NEB: variants seen among roughly 807,000 people sequenced by gnomAD.
The protein encoded by NEB is nebulin, also known as nemaline myopathy type 2.
Under a neutral mutation model 952.2 loss-of-function variants are expected in NEB, and 512 were observed. The ratio of observed to expected loss-of-function variants is 0.54; its 90% CI spans 0.50 to 0.58. The LOEUF (loss-of-function observed/expected upper bound fraction) is 0.58, where lower values mean the gene tolerates loss of function less well. Ranked by LOEUF, NEB falls within the 20% of genes least tolerant of loss-of-function variation. The probability of loss-of-function intolerance (pLI) is 0.00; values close to 1 mark genes in which losing one functional copy is unlikely to be tolerated. For synonymous variants in NEB, 2,900 were observed against 3,149.8 expected, an observed-to-expected ratio of 0.92 and a Z score of 2.66; for missense variants, 8,428 against 9,231.1, an observed-to-expected ratio of 0.91 and a Z score of 3.56.
At chr2:151,725,988 C>T (rs1168739434) in intron 5 of NEB, among the ~76,000 whole-genome samples, 3 of 152,180 alleles carry the variant, frequency 2.0e-5, no homozygotes, top group Non-Finnish European at 4.4e-5. Context: ...ATAGCTGAGA[C>T]ACCAGCTGAA....
At position 151,643,707 on chromosome 2, in the gene NEB, G is replaced by A. The variant is rs143208740; in HGVS notation, c.7956+111C>T. 5.3e-4 allele frequency: 782 copies of A among 1,481,402 alleles called. 8 individuals carry two copies. In the African/African-American group the frequency reaches 9.4e-3, roughly 18 times the overall value. 91.8% of individuals were successfully genotyped at this position (1,481,402 alleles called of 1,614,324 possible). On this transcript the variant is annotated intron_variant, in intron 57 of 181. Transcript: ENST00000397345. The stretch of plus-strand genomic sequence containing the variant: ...GATGTCTGGGTGACTAGATGCGCTT[G>A]GGCATTAGTCCAGGGTAATTGTGTA...
intron 105 of NEB, among the ~76,000 whole-genome samples, chr2:151,579,080 C>CAAA (rs1159995102): frequency 3.8e-4 from 12 of 31,708 alleles, no homozygotes; most frequent in African/African-American, 1.3e-3. Flanking sequence ...GACTCCATCT[C>CAAA]AAAAAAAAAA....
At position 151,577,470 on chromosome 2, in the gene NEB, C is replaced by T. The variant is rs1238177500; in HGVS notation, c.16705-1116G>A. Reference sequence around the variant, plus strand: ...CAGTGCCTTCTCAGAAGAACTTTCTCGATCTCTCTTCATAGCACCATGGAT... The same window carrying T: ...CAGTGCCTTCTCAGAAGAACTTTCTTGATCTCTCTTCATAGCACCATGGAT... On this transcript the variant is annotated intron_variant, in intron 105 of 181. Transcript: ENST00000397345. 3.3e-5 allele frequency among the ~76,000 whole-genome samples: 5 copies of T among 152,282 alleles called. No individual in the cohort carries two copies. In the East Asian group the frequency reaches 9.6e-4, roughly 29 times the overall value.
intron 68 of NEB, among the ~76,000 whole-genome samples, chr2:151,628,953 C>G (rs1333861266): frequency 6.6e-6 from 1 of 151,954 alleles, no homozygotes; most frequent in Non-Finnish European, 1.5e-5. Flanking sequence ...ACCAAAGAAC[C>G]CACCTCTTTC....
rs752174970 is a variant in NEB, at chr2:151,669,072, C to A, written c.4566G>T (p.Leu1522Phe). 1.3e-6 allele frequency: 2 copies of A among 1,596,888 alleles called. No individual in the cohort carries two copies. The highest frequency in any genetic ancestry group is 3.5e-5 in the Admixed American group (2 of 57,830). ...LKHKYTIDPELPQFIQAKVNA... is the reference protein window; with the variant it reads ...LKHKYTIDPEFPQFIQAKVNA... Reference sequence around the variant, plus strand: ...TGACTTTGGCTTGAATAAACTGAGGCAATTCAGGGTCAATAGTATACTTGT... The same window carrying A: ...TGACTTTGGCTTGAATAAACTGAGGAAATTCAGGGTCAATAGTATACTTGT... The change falls in exon 39 of 182, where the codon TTG (leucine) becomes TTT (phenylalanine). Residue 1522 changes from leucine to phenylalanine, a missense_variant. Physicochemically the swap from Leu to Phe is conservative, Grantham distance 22. Transcript: ENST00000397345.
chr2:151,498,721 T>G (rs1232350838), intron 169 of NEB, among the ~76,000 whole-genome samples: 1 of 152,142 alleles, frequency 6.6e-6, no homozygotes, highest in Non-Finnish European at 1.5e-5. Context: ...AAAATGCTGT[T>G]AATCACATAG....
At position 151,546,454 on chromosome 2, in the gene NEB, AAC is replaced by A. The variant is rs1215554290; in HGVS notation, c.20368-13_20368-12del. 2.5e-6 allele frequency: 4 copies of A among 1,572,746 alleles called. No individual in the cohort carries two copies. Among genetic ancestry groups the A allele is most frequent in the African/African-American group, 1.4e-5 (1 of 74,034 alleles). ...CTCTTTGTATTTAATCTGAGAGGCA[AAC>A]ACAGAAATATAGCTGGTCATAAGCA... is the stretch of plus-strand genomic sequence containing the variant. On this transcript the variant is annotated splice_polypyrimidine_tract_variant and intron_variant, in intron 133 of 181. Coordinates refer to ENST00000397345, the MANE Select transcript of NEB (RefSeq NM_001164508.2).
intron 63 of NEB, among the ~76,000 whole-genome samples, chr2:151,637,404 A>T (rs899172417): frequency 6.6e-6 from 1 of 152,218 alleles, no homozygotes; most frequent in African/African-American, 2.4e-5. Flanking sequence ...AGTTCACAGG[A>T]GAGGGCTGAG....
intron 13 of NEB, 22 bp from the exon 14 acceptor site, chr2:151,697,670 G>A: frequency 6.6e-7 from 1 of 1,523,362 alleles, no homozygotes; most frequent in Non-Finnish European, 9.0e-7. Context: ...AAAAAATTCA[G>A]TTAAAGTAGA....
intron 142 of NEB, chr2:151,534,115 A>G: frequency 1.1e-6 from 1 of 874,748 alleles, no homozygotes; most frequent in Non-Finnish European, 1.8e-6. Context: ...CCAATATCAT[A>G]GGCAGAACCT....
At chr2:151,664,707 A>G in intron 43 of NEB, 52 bp downstream of exon 43, 1 of 1,534,330 alleles carries the variant, frequency 6.5e-7, no homozygotes, top group Non-Finnish European at 8.9e-7. Flanking sequence ...AGACATAAGT[A>G]TCAGTTCCCT....
rs1558880548 is a variant in NEB at position 151,655,833 on chromosome 2, G to A, written c.6686C>T (p.Ala2229Val). Residue 2229 changes from alanine to valine, a missense_variant, in exon 50 of 182, where the codon GCA (alanine) becomes GTA (valine). By Grantham distance (64) the Ala-to-Val change is moderately conservative. Around this residue, in one of 11 missense-constraint regions of NEB, gnomAD observed 2,851 missense variants for 2,791.5 expected, o/e 1.02. Transcript: ENST00000397345. Reference sequence around the variant, plus strand: ...TCTCTGTACCTTGTTCATGGTATGTGCATTCTGCTTGGCAAGCACCATGTC... The same window carrying A: ...TCTCTGTACCTTGTTCATGGTATGTACATTCTGCTTGGCAAGCACCATGTC... ...SMDMVLAKQN[A>V]HTMNKHLYTI... 5 of 1,613,518 alleles carry A rather than the reference G, an allele frequency of 3.1e-6. No homozygotes were observed. Among genetic ancestry groups the A allele is most frequent in the African/African-American group, 1.3e-5 (1 of 74,952 alleles).
rs2092295614 is a variant in NEB, at chr2:151,533,451, C to T, written c.21408G>A (p.Met7136Ile). Residue 7136 changes from methionine (M) to isoleucine (I), a missense_variant, in exon 143 of 182, where the codon ATG (methionine) becomes ATA (isoleucine). Transcript: ENST00000397345. ...TCCCATCAGACATTACCTGGCTCCACATATGCGAATTGTAGAGAGCAGTCA... is the reference window on the plus strand; with the variant it reads ...TCCCATCAGACATTACCTGGCTCCATATATGCGAATTGTAGAGAGCAGTCA... ...DMLTALYNSH[M>I]WSQIKYRKNY... The T allele has an allele frequency of 6.5e-7, 1 of 1,549,730 alleles. No homozygotes were observed.
rs1437705900 is a variant in NEB at position 151,576,313 on chromosome 2, G to A, written c.16746C>T (p.Gly5582=). The A allele has an allele frequency of 1.2e-6, 2 of 1,609,534 alleles. No individual in the cohort carries two copies. Among genetic ancestry groups the A allele is most frequent in the Admixed American group, 1.7e-5 (1 of 59,848 alleles). The change falls in exon 106 of 182, where the codon GGC becomes GGT. Residue 5582 remains glycine (G), a synonymous_variant. Transcript: ENST00000397345. ...CTTCAGGAGACCCTTGGGGCATCCA[G>A]CCAATGCCACGCAACCACTCCAAGT... is the stretch of plus-strand genomic sequence containing the variant. ...KADLEWLRGI[G]WMPQGSPEVL...
At chr2:151,565,850 G>A (rs1380521130) in intron 114 of NEB, 30 bp from the exon 115 acceptor site, 1 of 1,486,310 alleles carries the variant, frequency 6.7e-7, no homozygotes, top group Non-Finnish European at 9.3e-7. Context: ...TATAATGGAG[G>A]AATAAATGAC....
chr2:151,555,170 T>G (rs1287546492), intron 124 of NEB, 126 bp from the exon 125 acceptor site: 2 of 653,924 alleles, frequency 3.1e-6, no homozygotes, highest in African/African-American at 3.6e-5. Flanking sequence ...GGACAACACT[T>G]CTCTGAACTC....
intron 132 of NEB, 49 bp from the exon 133 acceptor site, chr2:151,547,582 T>C (rs781449019): frequency 1.8e-5 from 29 of 1,602,042 alleles, no homozygotes; most frequent in Middle Eastern, 1.7e-4. Context: ...GACCGAATGA[T>C]TAACATTCAT....
rs538552221 is a variant in NEB, at chr2:151,640,725, T to C, written c.8374-59A>G. 3 of 1,514,412 alleles carry C rather than the reference T, an allele frequency of 2.0e-6. No homozygotes were observed. In the East Asian group the frequency reaches 6.8e-5, roughly 34 times the overall value. 93.8% of individuals were successfully genotyped at this position (1,514,412 alleles called of 1,614,324 possible). ...TTAACTTTTAGTAAAAAGCAATCACTAAGCCTAACTTGCTCTATTTATTAA... is the reference window on the plus strand; with the variant it reads ...TTAACTTTTAGTAAAAAGCAATCACCAAGCCTAACTTGCTCTATTTATTAA... On this transcript the variant is annotated intron_variant, in intron 60 of 181. Coordinates refer to ENST00000397345, the MANE Select transcript of NEB (RefSeq NM_001164508.2).
At chr2:151,501,345 AATT>A (rs781494887) in intron 168 of NEB, 43 bp downstream of exon 168, 16 of 1,273,588 alleles carry the variant, frequency 1.3e-5, no homozygotes, top group Admixed American at 4.0e-5. Context: ...GTTTTGTAGA[AATT>A]ATTATTTTTT....
Sources: gnomAD v4.1 joint callset for allele counts (sites outside exome capture counted in the v4.1 genomes callset) on GRCh38, gnomAD v4.1.1 for gene constraint, gnomAD v4.1.1 regional missense constraint, MANE v1.5 for transcripts, NCBI Gene and HGNC (gene_info 2026-07-23, HGNC 2026-07-21) for gene names.